Variants in CDHR1 observed in about 807,000 individuals in gnomAD.
CDHR1 encodes cadherin related family member 1, also known as cadherin-related family member 1.
CDHR1 carries 61 observed loss-of-function variants against 72.1 expected under a neutral mutation model. That is an observed-to-expected ratio of 0.85 (90% CI 0.69 to 1.05). The LOEUF (loss-of-function observed/expected upper bound fraction) is 1.05, where lower values mean the gene tolerates loss of function less well. Ranked by LOEUF, CDHR1 falls within the 50% of genes least tolerant of loss-of-function variation. The pLI is 0.00. For synonymous variants in CDHR1, 470 were observed against 448.1 expected (o/e 1.05, Z -0.62); for missense variants, 1,186 against 1,115.7 (o/e 1.06, Z -0.90).
intron 14 of CDHR1, among the ~76,000 whole-genome samples, 179 bp from the exon 15 acceptor site, chr10:84,212,000 C>A (rs1342308386): frequency 1.3e-5 from 2 of 152,132 alleles, no homozygotes; most frequent in African/African-American, 4.8e-5. Flanking sequence ...TGGGTGAGTC[C>A]ACATGTGGAT....
Position 84,216,655 on chromosome 10 carries a change from G to A in CDHR1, c.*2034G>A. On this transcript the variant is annotated 3_prime_UTR_variant, in exon 17 of 17. Transcript: ENST00000623527. ...AGGTGGATCCATTCTTCGACCCCCA[G>A]ATGTGACTCTAAAGAAGGCTGAAAA... The A allele has an allele frequency of 2.0e-6, 2 of 985,480 alleles. No homozygotes were observed. The highest frequency in any genetic ancestry group is 2.4e-6 in the Non-Finnish European group (2 of 829,952). The allele number at this position is 985,480 out of a possible 1,614,324, so 61.0% of individuals were successfully genotyped here.
chr10:84,211,819 G>A, intron 14 of CDHR1, 104 bp downstream of exon 14: 4 of 1,000,350 alleles, frequency 4.0e-6, no homozygotes, highest in South Asian at 3.8e-5. Context: ...GGAGGGACAG[G>A]AGCCTGGGTG....
rs373019271 is a variant in CDHR1, at chr10:84,197,484, G to A, written c.298-302G>A. On this transcript the variant is annotated intron_variant, in intron 3 of 16. Transcript: ENST00000623527. ...ATGGGACCTTGAGCACACTAAGGTC[G>A]ACATCTCGCCTCACTGTGGCAGGAG... Among the ~76,000 whole-genome samples, 8 of 152,278 alleles carry A rather than the reference G, an allele frequency of 5.3e-5. No individual in the cohort carries two copies. The East Asian group carries it at 9.7e-4, about 18-fold the overall frequency.
In CDHR1 at chr10:84,215,664, C is replaced by A; in HGVS notation, c.*1043C>A. ...AAAATAGTGGTGATGAGGGCTTTAA[C>A]CAAGTGCAAAGCGGCATGAATGCAA... On this transcript the variant is annotated 3_prime_UTR_variant, in exon 17 of 17. Transcript: ENST00000623527. 1.0e-6 allele frequency: 1 copy of A among 983,144 alleles called. No homozygotes were observed. The highest frequency in any genetic ancestry group is 1.7e-5 in the African/African-American group (1 of 57,308). The allele number at this position is 983,144 out of a possible 1,614,324, so 60.9% of individuals were successfully genotyped here. A position where few individuals can be genotyped will look rare whatever the true frequency, so the allele number is the denominator to read the frequency against.
intron 9 of CDHR1, 34 bp from the exon 10 acceptor site, chr10:84,205,793 T>C (rs1244677507): frequency 8.0e-6 from 12 of 1,500,928 alleles, no homozygotes; most frequent in African/African-American, 1.4e-5. Flanking sequence ...CCTGTGGTCC[T>C]GTGCAGAACT....
At position 84,211,698 on chromosome 10, in the gene CDHR1, TG is replaced by T. The variant is rs1225692075; in HGVS notation, c.1539del (p.Thr514LeufsTer7). The T allele has an allele frequency of 6.2e-7, 1 of 1,613,934 alleles. No individual in the cohort carries two copies. The highest frequency in any genetic ancestry group is 8.5e-7 in the Non-Finnish European group (1 of 1,179,940). ...GGGGCGAAGTGAAATATTCCACCTA[TG>T]GGACTGGGGCAGACCTGTAAGTAGA... Reference protein sequence around the residue: ...PWGEVKYSTYGTGADLFLIHP... With the variant: ...PWGEVKYSTYXTGADLFLIHP... On this transcript the variant is annotated frameshift_variant, in exon 14 of 17. Coordinates refer to ENST00000623527, the MANE Select transcript of CDHR1 (RefSeq NM_033100.4). LOFTEE classifies it high-confidence loss of function.
intron 9 of CDHR1, 40 bp downstream of exon 9, chr10:84,204,645 C>G (rs754274450): frequency 7.2e-7 from 1 of 1,397,904 alleles, no homozygotes; most frequent in South Asian, 1.2e-5. Context: ...CTTTGACTCT[C>G]TAGGTGACCA....
Position 84,216,008 on chromosome 10 carries a change from C to A in CDHR1, c.*1387C>A. On this transcript the variant is annotated 3_prime_UTR_variant, in exon 17 of 17. Transcript: ENST00000623527. ...GGTTGGTAGCAAAGATCTTGTCTAG[C>A]CAGGGCAGCCCTTATCAGCTTGTGA... 1 of 985,422 alleles carries A rather than the reference C, an allele frequency of 1.0e-6. No individual in the cohort carries two copies. Among genetic ancestry groups the A allele is most frequent in the Non-Finnish European group, 1.2e-6 (1 of 829,942 alleles). The allele number at this position is 985,422 out of a possible 1,614,324, so 61.0% of individuals were successfully genotyped here.
Position 84,214,280 on chromosome 10 carries a change from G to C in CDHR1, c.2239G>C (p.Ala747Pro), listed in dbSNP as rs1050780411. ...GGTGCTCCGCAAGCGGCCCAGCCCT[G>C]CGCCCCGCACCATCCGCATTGAGTG... The part of the protein sequence containing the change: ...RRVLRKRPSP[A>P]PRTIRIEWLK... Residue 747 changes from alanine (A) to proline (P), a missense_variant, in exon 17 of 17, where the codon GCG (alanine) becomes CCG (proline). Transcript: ENST00000623527. 6.2e-7 allele frequency: 1 copy of C among 1,613,768 alleles called. No individual in the cohort carries two copies. The highest frequency in any genetic ancestry group is 8.5e-7 in the Non-Finnish European group (1 of 1,180,018).
rs912952416 is a variant in CDHR1, at chr10:84,214,474, G to A, written c.2433G>A (p.Val811=). 4 of 1,610,248 alleles carry A rather than the reference G, an allele frequency of 2.5e-6. No homozygotes were observed. The highest frequency in any genetic ancestry group is 1.7e-5 in the Admixed American group (1 of 59,956). ...GCACTGGCGCAGCCCAGTGGACCGT[G>A]CCTACTGTCTCTGGCTCTCTCACTC... The part of the protein sequence containing the change: ...APSTGAAQWT[V]PTVSGSLTPQ... The change falls in exon 17 of 17, where the codon GTG becomes GTA. Residue 811 remains valine (V), a synonymous_variant. Transcript: ENST00000623527.
At chr10:84,197,898 G>C in intron 4 of CDHR1, 62 bp downstream of exon 4, 4 of 1,493,184 alleles carry the variant, frequency 2.7e-6, no homozygotes, top group Non-Finnish European at 3.7e-6. Context: ...GAAGGGTGAG[G>C]CTGGCACGAT....
At chr10:84,195,734 C>G in intron 2 of CDHR1, 145 bp downstream of exon 2, 1 of 743,844 alleles carries the variant, frequency 1.3e-6, no homozygotes, top group Non-Finnish European at 2.4e-6. Flanking sequence ...TGGGCAATGG[C>G]AGGAAAGAAG....
chr10:84,205,834 T>G lies in CDHR1; in HGVS notation c.870T>G (p.Asp290Glu). 6.2e-7 allele frequency: 1 copy of G among 1,613,584 alleles called. No homozygotes were observed. Among genetic ancestry groups the G allele is most frequent in the Non-Finnish European group, 8.5e-7 (1 of 1,179,634 alleles). ...RILYSLVNGN[D>E]GAFEINETSG... is the part of the protein sequence containing the mutation. ...GTGCATCTCCCTTGACAGGGAACGATGGAGCCTTTGAAATTAATGAGACAT... is the reference window on the plus strand; with the variant it reads ...GTGCATCTCCCTTGACAGGGAACGAGGGAGCCTTTGAAATTAATGAGACAT... Residue 290 changes from aspartate to glutamate, a missense_variant, in exon 10 of 17, where the codon GAT (aspartate) becomes GAG (glutamate). Coordinates refer to ENST00000623527, the MANE Select transcript of CDHR1 (RefSeq NM_033100.4).
rs1224912777 is a variant in CDHR1 at position 84,210,914 on chromosome 10, C to T, written c.1321-87C>T. 3 of 1,427,156 alleles carry T rather than the reference C, an allele frequency of 2.1e-6. No homozygotes were observed. The African/African-American group carries it at 4.2e-5, about 20-fold the overall frequency. 88.4% of individuals were successfully genotyped at this position (1,427,156 alleles called of 1,614,324 possible). A position where few individuals can be genotyped will look rare whatever the true frequency, so the allele number is the denominator to read the frequency against. Reference sequence around the variant, plus strand: ...ATCGGGAGACACGGCAGATGGATGCCACATCAGTCCTGGGGAGATGAGGTG... The same window carrying T: ...ATCGGGAGACACGGCAGATGGATGCTACATCAGTCCTGGGGAGATGAGGTG... On this transcript the variant is annotated intron_variant, in intron 12 of 16. Coordinates refer to ENST00000623527, the MANE Select transcript of CDHR1 (RefSeq NM_033100.4).
chr10:84,195,850 G>A (rs1482269524), intron 2 of CDHR1, among the ~76,000 whole-genome samples: 1 of 152,208 alleles, frequency 6.6e-6, no homozygotes, highest in Non-Finnish European at 1.5e-5. Flanking sequence ...TGCCCCTTAT[G>A]GCTGTGTGAC....
chr10:84,201,358 C>A (rs898244693), intron 6 of CDHR1, among the ~76,000 whole-genome samples: 18 of 152,180 alleles, frequency 1.2e-4, no homozygotes, highest in African/African-American at 4.1e-4. Context: ...ACACCCTCTC[C>A]CCCGATGCCA....
rs1362213999 is a variant in CDHR1 at position 84,214,590 on chromosome 10, A to T, written c.2549A>T (p.Lys850Met). The change falls in exon 17 of 17, where the codon AAG becomes ATG. Residue 850 changes from lysine to methionine, a missense_variant. By Grantham distance (95) the Lys-to-Met change is moderately conservative. Coordinates refer to ENST00000623527, the MANE Select transcript of CDHR1 (RefSeq NM_033100.4). ...TCTGAGCTCAAGCAAAAGTTTGAGA[A>T]GAAGAGTGTGCACAACAAGGCTTAC... ...LISELKQKFE[K>M]KSVHNKAYF 1.3e-6 allele frequency: 2 copies of T among 1,599,286 alleles called. No homozygotes were observed. The highest frequency in any genetic ancestry group is 1.7e-6 in the Non-Finnish European group (2 of 1,179,924).
chr10:84,199,200 C>A, intron 5 of CDHR1, 79 bp downstream of exon 5: 1 of 1,133,030 alleles, frequency 8.8e-7, no homozygotes, highest in Non-Finnish European at 1.3e-6. Flanking sequence ...TGTGGCCTGG[C>A]CATGGCTCAC....
In CDHR1 at chr10:84,199,132, A is replaced by T; in HGVS notation, c.438+11A>T. 1 of 1,549,386 alleles carries T rather than the reference A, an allele frequency of 6.5e-7. No homozygotes were observed. The highest frequency in any genetic ancestry group is 1.2e-5 in the South Asian group (1 of 83,994). ...GCCCTGGTTCCCGAGGTAAGTGAGG[A>T]GCTGCTAGAGGGGCTGATTTTCCCA... is the stretch of plus-strand genomic sequence containing the variant. On this transcript the variant is annotated intron_variant, in intron 5 of 16. Transcript: ENST00000623527.
Sources: allele counts gnomAD v4.1 joint callset (sites outside exome capture counted in the v4.1 genomes callset), GRCh38; gene constraint gnomAD v4.1.1; transcripts MANE v1.5; gene names NCBI Gene and HGNC (gene_info 2026-07-23, HGNC 2026-07-21).